The following GFRA3 variants were observed in gnomAD, a reference collection of about 807,000 sequenced individuals.
The protein encoded by GFRA3 is GDNF family receptor alpha 3, also known as GDNF family receptor alpha-3.
In GFRA3, 24 loss-of-function variants were observed where a neutral mutation model predicts 40.0. That is an observed-to-expected ratio of 0.60 (90% CI 0.43 to 0.84). The LOEUF (loss-of-function observed/expected upper bound fraction) is 0.84, where lower values mean the gene tolerates loss of function less well. Ranked by LOEUF, GFRA3 falls within the 40% of genes least tolerant of loss-of-function variation. The pLI is 0.00. For missense variants in GFRA3, 405 were observed against 530.6 expected, an observed-to-expected ratio of 0.76 and a Z score of 2.33; for synonymous variants, 203 against 213.5, an observed-to-expected ratio of 0.95 and a Z score of 0.43.
intron 1 of GFRA3, 150 bp downstream of exon 1, chr5:138,274,184 C>T (rs1755915507): frequency 1.9e-6 from 2 of 1,048,340 alleles, no homozygotes; most frequent in Admixed American, 3.5e-5. Context: ...CCCTTGCAGG[C>T]ACCCTGGGCT....
chr5:138,267,998 T>A (rs1027921671), intron 1 of GFRA3, among the ~76,000 whole-genome samples: 3 of 151,942 alleles, frequency 2.0e-5, no homozygotes, highest in African/African-American at 7.2e-5. Flanking sequence ...TCAAGATGGA[T>A]TAAGAACTTA....
chr5:138,252,889 G>T lies in GFRA3; in HGVS notation c.*79C>A, dbSNP rs926767837. 7.7e-6 allele frequency: 6 copies of T among 784,090 alleles called. No individual in the cohort carries two copies. In the African/African-American group the frequency reaches 8.5e-5, roughly 11 times the overall value. 48.6% of individuals were successfully genotyped at this position (784,090 alleles called of 1,614,324 possible). A position where few individuals can be genotyped will look rare whatever the true frequency, so the allele number is the denominator to read the frequency against. On this transcript the variant is annotated 3_prime_UTR_variant, in exon 8 of 8. Transcript: ENST00000274721. ...CTGCGCACTGCACCTCCTTCCTGCT[G>T]CTGTCCTTTCCTCACCCCTTGTGGG...
Position 138,274,546 on chromosome 5 carries a change from T to A in GFRA3, c.-122A>T. ...CCGCCCTCCAGCGCGACGCACACACTCTCCCACCAGGGTCCTGGGCGCCGC... is the reference window on the plus strand; with the variant it reads ...CCGCCCTCCAGCGCGACGCACACACACTCCCACCAGGGTCCTGGGCGCCGC... On this transcript the variant is annotated 5_prime_UTR_variant, in exon 1 of 8. Transcript: ENST00000274721. The A allele has an allele frequency of 8.2e-7, 1 of 1,224,634 alleles. No individual in the cohort carries two copies. The highest frequency in any genetic ancestry group is 1.0e-6 in the Non-Finnish European group (1 of 982,474). The allele number at this position is 1,224,634 out of a possible 1,614,324, so 75.9% of individuals were successfully genotyped here. A position where few individuals can be genotyped will look rare whatever the true frequency, so the allele number is the denominator to read the frequency against.
At chr5:138,264,238 C>A in intron 2 of GFRA3, 23 bp downstream of exon 2, 1 of 1,562,836 alleles carries the variant, frequency 6.4e-7, no homozygotes, top group Non-Finnish European at 8.7e-7. Flanking sequence ...CCAGCTTAGT[C>A]CACTCTATAA....
chr5:138,253,713 T>C (rs1268369607), intron 6 of GFRA3, 53 bp downstream of exon 6: 2 of 1,569,536 alleles, frequency 1.3e-6, no homozygotes, highest in Non-Finnish European at 1.7e-6. Flanking sequence ...TTTCCTTCCC[T>C]TGAGTCCAGC....
intron 3 of GFRA3, among the ~76,000 whole-genome samples, chr5:138,258,166 CTTTT>C (rs66792829): frequency 1.9e-5 from 1 of 51,648 alleles, no homozygotes; most frequent in African/African-American, 9.1e-5. Flanking sequence ...CCCTACTCCT[CTTTT>C]TTTTTTTTTT....
chr5:138,268,057 G>C (rs988385669), intron 1 of GFRA3, among the ~76,000 whole-genome samples: 4 of 152,056 alleles, frequency 2.6e-5, no homozygotes, highest in African/African-American at 9.7e-5. Context: ...GGCCAAGGCG[G>C]GTGGATTACC....
At position 138,264,550 on chromosome 5, in the gene GFRA3, T is replaced by C. The variant is rs1295951876; in HGVS notation, c.92-2A>G. 2 of 1,590,636 alleles carry C rather than the reference T, an allele frequency of 1.3e-6. No individual in the cohort carries two copies. The highest frequency in any genetic ancestry group is 2.7e-5 in the African/African-American group (2 of 74,402). On this transcript the variant is annotated splice_acceptor_variant, in intron 1 of 7. Coordinates refer to ENST00000274721, the MANE Select transcript of GFRA3 (RefSeq NM_001496.4). LOFTEE classifies it high-confidence loss of function. Reference sequence around the variant, plus strand: ...GGCTTTCTGTGGGAAGGGGGTCTCCTGTAAAGGGAGATACCAGGTGAGGCT... The same window carrying C: ...GGCTTTCTGTGGGAAGGGGGTCTCCCGTAAAGGGAGATACCAGGTGAGGCT...
intron 2 of GFRA3, among the ~76,000 whole-genome samples, chr5:138,263,977 T>C (rs557466091): frequency 3.2e-4 from 48 of 152,288 alleles, no homozygotes; most frequent in African/African-American, 1.1e-3. Flanking sequence ...TACCCGCTGT[T>C]CCAGGAACTC....
chr5:138,258,985 C>T (rs1212964749), intron 3 of GFRA3, among the ~76,000 whole-genome samples: 1 of 152,180 alleles, frequency 6.6e-6, no homozygotes, highest in Non-Finnish European at 1.5e-5. Context: ...ATAAAGCTCA[C>T]ATCTTTCTCA....
In GFRA3 at chr5:138,252,928, TG is replaced by T; in HGVS notation, c.*39del. On this transcript the variant is annotated 3_prime_UTR_variant, in exon 8 of 8. Transcript: ENST00000274721. Reference sequence around the variant, plus strand: ...ACCCCTTGTGGGCTGCAAGTCCACCTGGGTGTGGTGGAGGGGAAGAGGGCCC... The same window carrying T: ...ACCCCTTGTGGGCTGCAAGTCCACCTGGTGTGGTGGAGGGGAAGAGGGCCC... The T allele has an allele frequency of 9.2e-7, 1 of 1,089,062 alleles. No individual in the cohort carries two copies. The allele number at this position is 1,089,062 out of a possible 1,614,324, so 67.5% of individuals were successfully genotyped here. A position where few individuals can be genotyped will look rare whatever the true frequency, so the allele number is the denominator to read the frequency against.
At chr5:138,268,946 GA>G (rs1197434774) in intron 1 of GFRA3, among the ~76,000 whole-genome samples, 1 of 146,966 alleles carries the variant, frequency 6.8e-6, no homozygotes, top group Non-Finnish European at 1.5e-5. Context: ...AAAAGAAAAA[GA>G]AAAAAACAAA....
rs781188856 is a variant in GFRA3, at chr5:138,264,304, G to A, written c.336C>T (p.Ala112=). Residue 112 remains alanine (A), a synonymous_variant, in exon 2 of 8, where the codon GCC becomes GCT. Transcript: ENST00000274721. ...MCHRRMKNQV[A]CLDIYWTVHR... is the part of the protein sequence containing the mutation. The stretch of plus-strand genomic sequence containing the variant: ...GAACGGTCCAATAGATGTCCAAGCA[G>A]GCAACCTGGTTCTTCATGCGCCGGT... 9.9e-6 allele frequency: 16 copies of A among 1,611,712 alleles called. No homozygotes were observed. The highest frequency in any genetic ancestry group is 1.4e-5 in the Non-Finnish European group (16 of 1,178,036).
At chr5:138,271,085 C>T (rs112323030) in intron 1 of GFRA3, among the ~76,000 whole-genome samples, 2 of 151,950 alleles carry the variant, frequency 1.3e-5, no homozygotes, top group Non-Finnish European at 2.9e-5. Context: ...CTCTGCCTCC[C>T]GGGTTCAAGC....
intron 2 of GFRA3, among the ~76,000 whole-genome samples, chr5:138,263,397 T>C (rs1291271386): frequency 1.3e-5 from 2 of 152,264 alleles, no homozygotes; most frequent in Non-Finnish European, 2.9e-5. Context: ...AATCATTCTT[T>C]GCCTTCCCTG....
At chr5:138,263,963 T>C (rs1229965033) in intron 2 of GFRA3, among the ~76,000 whole-genome samples, 1 of 152,142 alleles carries the variant, frequency 6.6e-6, no homozygotes, top group African/African-American at 2.4e-5. Context: ...CCATCTCCTG[T>C]CCATACCCGC....
At chr5:138,253,956 C>T in intron 5 of GFRA3, 56 bp from the exon 6 acceptor site, 4 of 1,589,630 alleles carry the variant, frequency 2.5e-6, no homozygotes, top group Non-Finnish European at 2.6e-6. Flanking sequence ...TTAGCTCCCA[C>T]CTTCTTCCAC....
At chr5:138,254,626 C>T (rs1330292802) in intron 4 of GFRA3, among the ~76,000 whole-genome samples, 1 of 152,142 alleles carries the variant, frequency 6.6e-6, no homozygotes, top group African/African-American at 2.4e-5. Flanking sequence ...GTGAAGTGTG[C>T]CCCTGTAACA....
At chr5:138,269,011 A>G (rs1464291356) in intron 1 of GFRA3, among the ~76,000 whole-genome samples, 1 of 152,166 alleles carries the variant, frequency 6.6e-6, no homozygotes, top group Non-Finnish European at 1.5e-5. Context: ...TCAAAAGAAG[A>G]TACACAAATA....
Sources: gnomAD v4.1 joint callset for allele counts (sites outside exome capture counted in the v4.1 genomes callset) on GRCh38, gnomAD v4.1.1 for gene constraint, MANE v1.5 for transcripts, NCBI Gene and HGNC (gene_info 2026-07-23, HGNC 2026-07-21) for gene names.